Variants in RAD54L2 observed in about 807,000 individuals in gnomAD.
The protein encoded by RAD54L2 is helicase ARIP4.
RAD54L2 carries 27 observed loss-of-function variants against 138.4 expected under a neutral mutation model. The ratio of observed to expected loss-of-function variants is 0.20; its 90% CI spans 0.14 to 0.27. RAD54L2 has a LOEUF of 0.27. Ranked by LOEUF, RAD54L2 falls within the 10% of genes least tolerant of loss-of-function variation. The probability of loss-of-function intolerance (pLI) is 1.00; values close to 1 mark genes in which losing one functional copy is unlikely to be tolerated. For missense variants in RAD54L2, 1,396 were observed against 1,890.2 expected (o/e 0.74, Z 4.85); for synonymous variants, 644 against 723.2 (o/e 0.89, Z 1.76).
At chr3:51,552,499 T>C (rs2108692525) in intron 2 of RAD54L2, among the ~76,000 whole-genome samples, 1 of 151,750 alleles carries the variant, frequency 6.6e-6, no homozygotes, top group African/African-American at 2.4e-5. Flanking sequence ...CCTGACCTCA[T>C]GATCCACCTG....
intron 3 of RAD54L2, among the ~76,000 whole-genome samples, chr3:51,607,840 G>A (rs1398444849): frequency 6.8e-6 from 1 of 147,348 alleles, no homozygotes; most frequent in Admixed American, 6.7e-5. Flanking sequence ...GGGCGGCTGG[G>A]CAGAGGCGCC....
At chr3:51,558,459 T>TTCTCTC (rs71633077) in intron 2 of RAD54L2, among the ~76,000 whole-genome samples, 6,028 of 149,774 alleles carry the variant, frequency 0.04, 167 homozygotes, top group African/African-American at 0.074. Context: ...GAAGGTCCAC[T>TTCTCTC]TCTCTCTCTC....
chr3:51,589,937 T>C (rs1405491733), intron 2 of RAD54L2, among the ~76,000 whole-genome samples: 2 of 152,142 alleles, frequency 1.3e-5, no homozygotes, highest in Admixed American at 6.6e-5. Context: ...GTGATTTGGA[T>C]ACGGTTAGCT....
At chr3:51,579,014 C>T (rs1402495773) in intron 2 of RAD54L2, among the ~76,000 whole-genome samples, 30 of 152,178 alleles carry the variant, frequency 2.0e-4, no homozygotes, top group Non-Finnish European at 1.5e-5. Flanking sequence ...GGACCGTAAT[C>T]TTCCCCTGTA....
intron 5 of RAD54L2, 22 bp downstream of exon 5, chr3:51,629,495 G>T: frequency 6.2e-7 from 1 of 1,609,594 alleles, no homozygotes; most frequent in Non-Finnish European, 8.5e-7. Context: ...ACATGGCAGG[G>T]AAGGCCCTTT....
At chr3:51,569,698 T>G (rs1699295329) in intron 2 of RAD54L2, among the ~76,000 whole-genome samples, 1 of 152,058 alleles carries the variant, frequency 6.6e-6, no homozygotes, top group Non-Finnish European at 1.5e-5. Context: ...TCTCTGTTTT[T>G]GAGTCAAATA....
At chr3:51,555,095 G>T (rs1033910232) in intron 2 of RAD54L2, among the ~76,000 whole-genome samples, 2 of 151,974 alleles carry the variant, frequency 1.3e-5, no homozygotes, top group African/African-American at 2.4e-5. Context: ...CGCCCACATC[G>T]GCCTCCCAAA....
At chr3:51,577,287 A>AGT (rs989655253) in intron 2 of RAD54L2, among the ~76,000 whole-genome samples, 5 of 152,134 alleles carry the variant, frequency 3.3e-5, no homozygotes, top group African/African-American at 1.2e-4. Context: ...TTTTGGAATA[A>AGT]GTGTGATGTG....
intron 21 of RAD54L2, among the ~76,000 whole-genome samples, chr3:51,659,660 ACT>A (rs1479039486): frequency 6.6e-6 from 1 of 152,138 alleles, no homozygotes; most frequent in East Asian, 1.9e-4. Flanking sequence ...ATTCCAACTT[ACT>A]CTCTTTTGTA....
At position 51,666,420 on chromosome 3, in the gene RAD54L2, C is replaced by G. The variant is rs1701913847; in HGVS notation, c.*3000C>G. On this transcript the variant is annotated 3_prime_UTR_variant, in exon 23 of 23. Coordinates refer to ENST00000684192, the MANE Select transcript of RAD54L2 (RefSeq NM_015106.4). ...TCCAGGCCTGAGGGGGGCAGGGTGG[C>G]TGGTGATAAGAGGGAGGGCAGAAAA... 6.6e-6 allele frequency: 1 copy of G among 151,814 alleles called. No homozygotes were observed. Among genetic ancestry groups the G allele is most frequent in the Non-Finnish European group, 1.5e-5 (1 of 67,964 alleles). The allele number at this position is 151,814 out of a possible 1,614,324, so 9.4% of individuals were successfully genotyped here. A position where few individuals can be genotyped will look rare whatever the true frequency, so the allele number is the denominator to read the frequency against.
At chr3:51,627,897 A>T in intron 4 of RAD54L2, 143 bp downstream of exon 4, 2 of 910,768 alleles carry the variant, frequency 2.2e-6, no homozygotes, top group East Asian at 2.6e-5. Context: ...GTCTTCATTA[A>T]TAGTGAAGGT....
At chr3:51,660,725 G>A (rs1336188794) in intron 22 of RAD54L2, among the ~76,000 whole-genome samples, 1 of 150,866 alleles carries the variant, frequency 6.6e-6, no homozygotes. Flanking sequence ...AGGTTCAAGT[G>A]ATTCTCCCGC....
At chr3:51,543,272 A>G (rs1698599779) in intron 2 of RAD54L2, among the ~76,000 whole-genome samples, 1 of 152,104 alleles carries the variant, frequency 6.6e-6, no homozygotes, top group Non-Finnish European at 1.5e-5. Context: ...GTCTTGCTGT[A>G]GTCAAATGCC....
At chr3:51,632,934 A>G (rs571265468) in intron 7 of RAD54L2, among the ~76,000 whole-genome samples, 7 of 149,470 alleles carry the variant, frequency 4.7e-5, no homozygotes, top group African/African-American at 9.9e-5. Flanking sequence ...GACTACTTCT[A>G]TGTGGCTGGG....
chr3:51,567,863 G>A (rs1699250861), intron 2 of RAD54L2, among the ~76,000 whole-genome samples: 1 of 150,712 alleles, frequency 6.6e-6, no homozygotes, highest in Non-Finnish European at 1.5e-5. Context: ...AATCCCTTGA[G>A]CCCAGTAGGT....
intron 3 of RAD54L2, among the ~76,000 whole-genome samples, chr3:51,596,919 C>A (rs111603101): frequency 6.6e-6 from 1 of 152,216 alleles, no homozygotes; most frequent in African/African-American, 2.4e-5. Context: ...AATCCCAACA[C>A]TTTGGGAGGC....
chr3:51,607,096 TTTTTA>T (rs1279293300), intron 3 of RAD54L2, among the ~76,000 whole-genome samples: 7 of 150,146 alleles, frequency 4.7e-5, no homozygotes, highest in Non-Finnish European at 7.4e-5. Context: ...ATTTTTTATT[TTTTTA>T]TTTTATTTTA....
chr3:51,573,193 G>A (rs1179312009), intron 2 of RAD54L2, among the ~76,000 whole-genome samples: 1 of 152,040 alleles, frequency 6.6e-6, no homozygotes, highest in Non-Finnish European at 1.5e-5. Context: ...CTGCTTGTGG[G>A]GTGCCGTTTA....
intron 3 of RAD54L2, among the ~76,000 whole-genome samples, chr3:51,623,126 G>A (rs1700602465): frequency 6.6e-6 from 1 of 152,258 alleles, no homozygotes; most frequent in Non-Finnish European, 1.5e-5. Context: ...GAGCAGGAGA[G>A]GCAACAGTGG....
Sources: gnomAD v4.1 joint callset for allele counts (sites outside exome capture counted in the v4.1 genomes callset) on GRCh38, gnomAD v4.1.1 for gene constraint, MANE v1.5 for transcripts, NCBI Gene and HGNC (gene_info 2026-07-23, HGNC 2026-07-21) for gene names.